Variants in FAAP20 observed in about 807,000 individuals in gnomAD.
FAAP20 encodes the protein Fanconi anemia core complex-associated protein 20.
Under a neutral mutation model 16.2 loss-of-function variants are expected in FAAP20, and 12 were observed. That is an observed-to-expected ratio of 0.74 (90% CI 0.48 to 1.20). The LOEUF (loss-of-function observed/expected upper bound fraction) is 1.20, where lower values mean the gene tolerates loss of function less well. Among genes scored for constraint, FAAP20 ranks in the 50% most tolerant of loss-of-function variants. The pLI is 0.00. For missense variants in FAAP20, 288 were observed against 245.8 expected (o/e 1.17, Z -1.15); for synonymous variants, 141 against 110.7 (o/e 1.27, Z -1.72).
At chr1:2,185,875 T>TGCATGTGACG, downstream of FAAP20, 1 of 370,476 alleles carries the variant, frequency 2.7e-6, no homozygotes, top group Non-Finnish European at 5.1e-6. Context: ...CTAAAAGATG[T>TGCATGTGACG]GCATGTGACG....
At chr1:2,211,700 C>T (rs1262117667), downstream of FAAP20, among the ~76,000 whole-genome samples, 8 of 151,484 alleles carry the variant, frequency 5.3e-5, no homozygotes, top group Middle Eastern at 3.4e-3. Flanking sequence ...CCGCCTGCCT[C>T]GGCCTCCCAA....
At chr1:2,189,020 A>C (rs999384541), downstream of FAAP20, among the ~76,000 whole-genome samples, 11 of 145,350 alleles carry the variant, frequency 7.6e-5, no homozygotes, top group South Asian at 2.2e-4. Context: ...AGAAAAAAAA[A>C]AAAAAAAACA....
In FAAP20 at chr1:2,199,787, A is replaced by C. The variant is rs1367123172; in HGVS notation, n.121T>G. 2.7e-6 allele frequency: 1 copy of C among 371,218 alleles called. No homozygotes were observed. The highest frequency in any genetic ancestry group is 2.2e-5 in the African/African-American group (1 of 45,406). 23.0% of individuals were successfully genotyped at this position (371,218 alleles called of 1,614,324 possible). A position where few individuals can be genotyped will look rare whatever the true frequency, so the allele number is the denominator to read the frequency against. ...GTGTGAGCAGTGTTCTTGTAAGAAA[A>C]GGAAAATTGTCCGGGTGCAGTGTCT... On this transcript the variant is annotated non_coding_transcript_exon_variant, in exon 1 of 4. Coordinates refer to the FAAP20 transcript ENST00000401813. This position sits in a 1 kb window ranked among gnomAD's most constrained non-coding sequence, Gnocchi z 4.5.
chr1:2,184,768 C>T (rs1355429343), downstream of FAAP20: 3 of 1,481,300 alleles, frequency 2.0e-6, no homozygotes, highest in Non-Finnish European at 1.8e-6. Context: ...GCACCTTGGG[C>T]AGCTGGTGAC....
chr1:2,207,329 A>G (rs1027336514), downstream of FAAP20, among the ~76,000 whole-genome samples: 1 of 152,150 alleles, frequency 6.6e-6, no homozygotes, highest in Non-Finnish European at 1.5e-5. Flanking sequence ...GTGGTCTGGT[A>G]GATAACTGGA....
Position 2,194,133 on chromosome 1 carries a change from C to T in FAAP20, c.63G>A (p.Gly21=). Residue 21 remains glycine (G), a splice_region_variant and synonymous_variant, in exon 2 of 4, where the codon GGG becomes GGA. Coordinates refer to ENST00000378546, the MANE Select transcript of FAAP20 (RefSeq NM_182533.4). The part of the protein sequence containing the change: ...LSRRRPRPAG[G]PSGGRPWFLL... Reference sequence around the variant, plus strand: ...GAAACCAGGGGCGGCCGCCAGAAGGCCTGGGGCAGACAGAGAGGGCAGACA... The same window carrying T: ...GAAACCAGGGGCGGCCGCCAGAAGGTCTGGGGCAGACAGAGAGGGCAGACA... 1 of 1,611,976 alleles carries T rather than the reference C, an allele frequency of 6.2e-7. No homozygotes were observed. Among genetic ancestry groups the T allele is most frequent in the Non-Finnish European group, 8.5e-7 (1 of 1,179,762 alleles).
intron 3 of FAAP20, among the ~76,000 whole-genome samples, chr1:2,205,838 C>T (rs1689239037): frequency 6.6e-6 from 1 of 152,250 alleles, no homozygotes; most frequent in Non-Finnish European, 1.5e-5. Flanking sequence ...CAGGGGGAGG[C>T]TGGGAAGGGC....
chr1:2,212,266 C>G (rs1040657238), exon 2 of FAAP20: 2 of 152,594 alleles, frequency 1.3e-5, no homozygotes, highest in Non-Finnish European at 2.9e-5. Context: ...GCTGTCTCAG[C>G]GCCAGCGTGT....
intron 3 of FAAP20, chr1:2,190,615 G>A (rs1688106161): frequency 2.8e-6 from 1 of 353,364 alleles, no homozygotes; most frequent in African/African-American, 2.1e-5. Flanking sequence ...TGCCGGAGCT[G>A]GCGTGCTCAG....
downstream of FAAP20, among the ~76,000 whole-genome samples, chr1:2,211,414 TATATATATATATATATA>T (rs2100771343): frequency 4.6e-5 from 1 of 21,560 alleles, no homozygotes; most frequent in African/African-American, 2.8e-4. Context: ...TATATATATA[TATATATATATATATATA>T]TATATTTTTT....
chr1:2,204,904 CT>C (rs1557792972), upstream of FAAP20, among the ~76,000 whole-genome samples: 1 of 138,024 alleles, frequency 7.2e-6, no homozygotes, highest in Admixed American at 7.0e-5. Context: ...AGCCCCGCCC[CT>C]CAAGCCCCCC....
In FAAP20 at chr1:2,189,610, G is replaced by C. The variant is rs987115395; in HGVS notation, c.*99C>G. 6 of 886,496 alleles carry C rather than the reference G, an allele frequency of 6.8e-6. No homozygotes were observed. The African/African-American group carries it at 7.4e-5, about 11-fold the overall frequency. 54.9% of individuals were successfully genotyped at this position (886,496 alleles called of 1,614,324 possible). On this transcript the variant is annotated 3_prime_UTR_variant, in exon 4 of 4. Coordinates refer to ENST00000378546, the MANE Select transcript of FAAP20 (RefSeq NM_182533.4). ...GCTTTAATGCGCATGCGGGGGAGCCGAGAGGCGGGGCTGCTGGCGGGGGAG... is the reference window on the plus strand; with the variant it reads ...GCTTTAATGCGCATGCGGGGGAGCCCAGAGGCGGGGCTGCTGGCGGGGGAG...
At chr1:2,195,849 C>T (rs752867014), upstream of FAAP20, among the ~76,000 whole-genome samples, 3 of 152,240 alleles carry the variant, frequency 2.0e-5, no homozygotes, top group Non-Finnish European at 4.4e-5. Context: ...CTTCCGCACA[C>T]CTTCCTGCTC....
upstream of FAAP20, among the ~76,000 whole-genome samples, chr1:2,204,524 G>C (rs1689164336): frequency 6.6e-6 from 1 of 152,226 alleles, no homozygotes; most frequent in Non-Finnish European, 1.5e-5. Flanking sequence ...GTGGCTCCGG[G>C]CGTCAGCTTG....
downstream of FAAP20, among the ~76,000 whole-genome samples, chr1:2,208,894 C>G (rs906312992): frequency 7.9e-5 from 12 of 152,212 alleles, no homozygotes; most frequent in African/African-American, 2.9e-4. Context: ...TTATTGGGCC[C>G]TCAGTTTTCC....
upstream of FAAP20, among the ~76,000 whole-genome samples, chr1:2,203,263 G>T (rs949115144): frequency 9.2e-5 from 14 of 152,300 alleles, no homozygotes; most frequent in East Asian, 2.5e-3. Context: ...ATCCCGACAG[G>T]CCAGAGAGTG....
chr1:2,211,973 G>C (rs1432394495), downstream of FAAP20, among the ~76,000 whole-genome samples: 2 of 146,178 alleles, frequency 1.4e-5, no homozygotes, highest in Admixed American at 1.4e-4. Flanking sequence ...TGTGATCTCG[G>C]CTCACTGCAA....
At chr1:2,200,942 G>A, upstream of FAAP20, 2 of 1,179,542 alleles carry the variant, frequency 1.7e-6, no homozygotes, top group Non-Finnish European at 2.2e-6. Context: ...AATCAGCTTT[G>A]TCCCCAGTTC....
intron 3 of FAAP20, chr1:2,192,736 C>G (rs1688375201): frequency 8.8e-7 from 1 of 1,131,610 alleles, no homozygotes; most frequent in African/African-American, 1.6e-5. Context: ...ACTTCAGCCT[C>G]CAGAGTAGCT....
Sources: allele counts gnomAD v4.1 joint callset (sites outside exome capture counted in the v4.1 genomes callset), GRCh38; gene constraint gnomAD v4.1.1; non-coding constraint Gnocchi (gnomAD v3.1); transcripts MANE v1.5; gene names NCBI Gene and HGNC (gene_info 2026-07-23, HGNC 2026-07-21).